Variants in PARD3 observed in about 807,000 individuals in gnomAD.
PARD3 encodes the protein partitioning defective 3 homolog.
In PARD3, 75 loss-of-function variants were observed where a neutral mutation model predicts 155.4. The ratio of observed to expected loss-of-function variants is 0.48; its 90% confidence interval spans 0.40 to 0.58. The LOEUF is 0.58. Ranked by LOEUF, PARD3 falls within the 20% of genes least tolerant of loss-of-function variation. PARD3 has a pLI of 0.00. For synonymous variants in PARD3, 576 were observed against 610.5 expected, an observed-to-expected ratio of 0.94 and a Z score of 0.83; for missense variants, 1,642 against 1,721.7, an observed-to-expected ratio of 0.95 and a Z score of 0.82.
chr10:34,127,075 A>C (rs1205066739), intron 23 of PARD3, among the ~76,000 whole-genome samples: 1 of 152,240 alleles, frequency 6.6e-6, no homozygotes, highest in Non-Finnish European at 1.5e-5. Context: ...GTTCATATTA[A>C]GTAGATAACA....
chr10:34,716,061 A>G (rs1273992426), intron 1 of PARD3, among the ~76,000 whole-genome samples: 1 of 152,256 alleles, frequency 6.6e-6, no homozygotes, highest in Non-Finnish European at 1.5e-5. Context: ...AGAATTTTAA[A>G]GTACGGGCTC....
intron 22 of PARD3, among the ~76,000 whole-genome samples, chr10:34,162,183 C>T (rs1476554892): frequency 6.6e-6 from 1 of 152,058 alleles, no homozygotes; most frequent in Non-Finnish European, 1.5e-5. Context: ...CCTGAACACG[C>T]CCAGAGCAGA....
rs755692144 is a variant in PARD3, at chr10:34,336,224, G to C, written c.2580C>G (p.Leu860=). The change falls in exon 18 of 25, where the codon CTC becomes CTG. Residue 860 remains leucine, a synonymous_variant. Coordinates refer to ENST00000374788, the MANE Select transcript of PARD3 (RefSeq NM_001184785.2). Reference sequence around the variant, plus strand: ...CTGCTTTCTGGTCATCCACTGTATTGAGTTTAGTCTCGTCAGCTACTGTTA... The same window carrying C: ...CTGCTTTCTGGTCATCCACTGTATTCAGTTTAGTCTCGTCAGCTACTGTTA... The part of the protein sequence containing the change: ...MDLGIADETK[L]NTVDDQKAGS... The C allele has an allele frequency of 1.2e-6, 2 of 1,612,446 alleles. No homozygotes were observed. Among genetic ancestry groups the C allele is most frequent in the Non-Finnish European group, 1.7e-6 (2 of 1,178,772 alleles).
intron 2 of PARD3, among the ~76,000 whole-genome samples, chr10:34,606,732 G>A (rs949248586): frequency 6.6e-6 from 1 of 151,234 alleles, no homozygotes; most frequent in Non-Finnish European, 1.5e-5. Flanking sequence ...CACTTTGGGA[G>A]GCCAAGGCGG....
At chr10:34,388,713 C>T (rs1390029224) in intron 7 of PARD3, among the ~76,000 whole-genome samples, 1 of 152,146 alleles carries the variant, frequency 6.6e-6, no homozygotes, top group Non-Finnish European at 1.5e-5. Context: ...GAACAGTGTT[C>T]CTTCTTGGCA....
At chr10:34,149,062 A>G (rs1478751825) in intron 22 of PARD3, among the ~76,000 whole-genome samples, 3 of 152,186 alleles carry the variant, frequency 2.0e-5, no homozygotes, top group African/African-American at 7.2e-5. Flanking sequence ...GTATCTTGAT[A>G]TCAGGGATTT....
chr10:34,136,013 T>C (rs1413492176), intron 22 of PARD3, among the ~76,000 whole-genome samples: 1 of 152,234 alleles, frequency 6.6e-6, no homozygotes, highest in Non-Finnish European at 1.5e-5. Flanking sequence ...AAATTTAAAA[T>C]GTTCACTTAC....
At chr10:34,792,205 G>A (rs138524239) in intron 1 of PARD3, among the ~76,000 whole-genome samples, 116 of 152,226 alleles carry the variant, frequency 7.6e-4, no homozygotes, top group African/African-American at 2.7e-3. Context: ...TCCACCCAAC[G>A]CTGGGTGGGA....
At position 34,438,023 on chromosome 10, in the gene PARD3, C is replaced by G. The variant is rs548738696; in HGVS notation, c.714+12294G>C. On this transcript the variant is annotated intron_variant, in intron 5 of 24. Transcript: ENST00000374788. ...TAAGTAGCTCATAGCAGCTCTTACC[C>G]TCTGCCCCCTCACTCCCTCTACAAA... Among the ~76,000 whole-genome samples, 3 of 152,320 alleles carry G rather than the reference C, an allele frequency of 2.0e-5. No homozygotes were observed. In the East Asian group the frequency reaches 5.8e-4, roughly 29 times the overall value.
chr10:34,422,327 G>A (rs905098162), intron 5 of PARD3, among the ~76,000 whole-genome samples: 20 of 151,990 alleles, frequency 1.3e-4, no homozygotes, highest in African/African-American at 3.9e-4. Context: ...TAAGAATAAC[G>A]TATATAAAAA....
At chr10:34,356,056 A>C (rs1366212695) in intron 14 of PARD3, among the ~76,000 whole-genome samples, 1 of 152,090 alleles carries the variant, frequency 6.6e-6, no homozygotes, top group Non-Finnish European at 1.5e-5. Flanking sequence ...GACCCGGAGT[A>C]GGGTAGCAGA....
intron 2 of PARD3, among the ~76,000 whole-genome samples, chr10:34,575,673 A>G (rs2086823403): frequency 6.6e-6 from 1 of 152,186 alleles, no homozygotes; most frequent in African/African-American, 2.4e-5. Flanking sequence ...AGGTGGGCAG[A>G]TCACCTAAGG....
chr10:34,573,735 AAACACACAC>A (rs1564367898), intron 2 of PARD3, among the ~76,000 whole-genome samples: 8 of 12,280 alleles, frequency 6.5e-4, no homozygotes, highest in Admixed American at 9.3e-4. Context: ...AAACAAACAA[AAACACACAC>A]ACACACACAC....
At chr10:34,400,740 T>C (rs1843792461) in intron 6 of PARD3, among the ~76,000 whole-genome samples, 1 of 152,102 alleles carries the variant, frequency 6.6e-6, no homozygotes, top group African/African-American at 2.4e-5. Flanking sequence ...ATTGAAAATA[T>C]GTGCACAGAT....
chr10:34,194,412 C>A (rs1363393571), intron 22 of PARD3, among the ~76,000 whole-genome samples: 1 of 152,052 alleles, frequency 6.6e-6, no homozygotes, highest in Admixed American at 6.5e-5. Context: ...CGCTCTTGTA[C>A]GTCCCTGTGC....
intron 2 of PARD3, among the ~76,000 whole-genome samples, chr10:34,580,899 A>C (rs529854226): frequency 6.6e-6 from 1 of 152,248 alleles, no homozygotes; most frequent in Non-Finnish European, 1.5e-5. Context: ...TAGCTGACTC[A>C]TAAGGTATGT....
chr10:34,668,133 C>T (rs1773357512), intron 2 of PARD3, among the ~76,000 whole-genome samples: 1 of 152,152 alleles, frequency 6.6e-6, no homozygotes, highest in Admixed American at 6.5e-5. Context: ...AACAGCTAAG[C>T]AACAAATAAT....
At chr10:34,661,091 G>A (rs918834093) in intron 2 of PARD3, among the ~76,000 whole-genome samples, 4 of 152,126 alleles carry the variant, frequency 2.6e-5, no homozygotes, top group African/African-American at 7.2e-5. Context: ...TATGACTAAT[G>A]GGACTGGTGG....
chr10:34,112,667 G>A (rs754729171), intron 24 of PARD3, among the ~76,000 whole-genome samples: 1 of 152,162 alleles, frequency 6.6e-6, no homozygotes, highest in East Asian at 1.9e-4. Context: ...AGATTTTCAC[G>A]GAAGGAAAAG....
Sources: allele counts gnomAD v4.1 joint callset (sites outside exome capture counted in the v4.1 genomes callset), GRCh38; gene constraint gnomAD v4.1.1; transcripts MANE v1.5; gene names NCBI Gene and HGNC (gene_info 2026-07-23, HGNC 2026-07-21).